RNF152: variants seen among roughly 807,000 people sequenced by gnomAD.
RNF152 encodes the protein E3 ubiquitin-protein ligase RNF152.
In RNF152, 11 loss-of-function variants were observed where a neutral mutation model predicts 12.7. That is an observed-to-expected ratio of 0.86 (90% CI 0.54 to 1.43). The LOEUF is 1.43. RNF152 is among the 40% of genes most tolerant of loss of function. The probability of loss-of-function intolerance (pLI) is 0.00; values close to 1 mark genes in which losing one functional copy is unlikely to be tolerated. For missense variants in RNF152, 255 were observed against 274.8 expected (o/e 0.93, Z 0.51); for synonymous variants, 113 against 120.3 (o/e 0.94, Z 0.40).
In RNF152 at chr18:61,865,168, A is replaced by G. The variant is rs972929304; in HGVS notation, c.-136+27627T>C. On this transcript the variant is annotated intron_variant, in intron 1 of 1. Coordinates refer to ENST00000312828, the MANE Select transcript of RNF152 (RefSeq NM_173557.3). ...ATTTCTTATTATATCACAATATCAT[A>G]CCCCTAGAACCTGCAGCCAAATTGT... 3.3e-5 allele frequency among the ~76,000 whole-genome samples: 5 copies of G among 152,180 alleles called. 1 individual carries two copies. In the South Asian group the frequency reaches 1.0e-3, roughly 31 times the overall value.
chr18:61,835,609 A>C (rs1298568444), intron 1 of RNF152, among the ~76,000 whole-genome samples: 2 of 152,302 alleles, frequency 1.3e-5, no homozygotes, highest in East Asian at 3.9e-4. Flanking sequence ...AAAAATAATA[A>C]ATTAAAAAGG....
At chr18:61,867,976 T>C (rs1013861195) in intron 1 of RNF152, among the ~76,000 whole-genome samples, 1 of 152,146 alleles carries the variant, frequency 6.6e-6, no homozygotes, top group African/African-American at 2.4e-5. Flanking sequence ...ACAAACAATA[T>C]ATTAAATCAA....
At chr18:61,849,935 C>T (rs1736505194) in intron 1 of RNF152, among the ~76,000 whole-genome samples, 1 of 152,200 alleles carries the variant, frequency 6.6e-6, no homozygotes, top group Admixed American at 6.5e-5. Flanking sequence ...TGACCTGAGG[C>T]AATTCTCATT....
rs200219405 is a variant in RNF152 at position 61,816,070 on chromosome 18, C to T, written c.394G>A (p.Val132Met). The change falls in exon 2 of 2, where the codon GTG becomes ATG. Residue 132 changes from valine to methionine, a missense_variant. Coordinates refer to ENST00000312828, the MANE Select transcript of RNF152 (RefSeq NM_173557.3). ...LPGSQQKSVT[V>M]VTIPAEQQPL... ...TGCTGTTCAGCAGGGATGGTCACCA[C>T]GGTGACGGACTTCTGCTGGCTCCCG... 7.2e-5 allele frequency: 116 copies of T among 1,614,218 alleles called. No homozygotes were observed. Among genetic ancestry groups the T allele is most frequent in the East Asian group, 6.5e-4 (29 of 44,876 alleles).
In RNF152 at chr18:61,809,927, A is replaced by T. The variant is rs1912889109; in HGVS notation, c.*5925T>A. On this transcript the variant is annotated 3_prime_UTR_variant, in exon 2 of 2. Transcript: ENST00000312828. ...AATTTGTGCAGAAAAATGGGAACCA[A>T]ATTGCAGGGATTCGGGAATAATGGT... The T allele has an allele frequency of 6.6e-6, 1 of 151,910 alleles. No individual in the cohort carries two copies. The highest frequency in any genetic ancestry group is 6.6e-5 in the Admixed American group (1 of 15,248). The allele number at this position is 151,910 out of a possible 1,614,324, so 9.4% of individuals were successfully genotyped here. A position where few individuals can be genotyped will look rare whatever the true frequency, so the allele number is the denominator to read the frequency against.
At chr18:61,890,637 C>T (rs895231394) in intron 1 of RNF152, 1 of 152,214 alleles carries the variant, frequency 6.6e-6, no homozygotes, top group African/African-American at 2.4e-5. Context: ...AGAGAAAAAT[C>T]TGCAAAAGCA....
chr18:61,816,460 C>A lies in RNF152; in HGVS notation c.4G>T (p.Glu2Ter). The A allele has an allele frequency of 6.3e-7, 1 of 1,595,100 alleles. No homozygotes were observed. The highest frequency in any genetic ancestry group is 1.1e-5 in the South Asian group (1 of 89,504). The change falls in exon 2 of 2, where the codon GAG (glutamate) becomes TAG (stop). Residue 2 changes from glutamate to a stop codon, truncating the protein, a stop_gained. Coordinates refer to ENST00000312828, the MANE Select transcript of RNF152 (RefSeq NM_173557.3). LOFTEE classifies it high-confidence loss of function. M[E>*]TLSQDSLLEC... ...AGCAGAGAGTCCTGGGACAGCGTCT[C>A]CATGGTGGACCGTGAGCAGGAAGGG...
At position 61,815,140 on chromosome 18, in the gene RNF152, A is replaced by G. The variant is rs974438521; in HGVS notation, c.*712T>C. 1 of 152,620 alleles carries G rather than the reference A, an allele frequency of 6.6e-6. No individual in the cohort carries two copies. Among genetic ancestry groups the G allele is most frequent in the South Asian group, 2.1e-4 (1 of 4,826 alleles). 9.5% of individuals were successfully genotyped at this position (152,620 alleles called of 1,614,324 possible). The stretch of plus-strand genomic sequence containing the variant: ...CATACAGGTTTTCCCATGGGATTAG[A>G]CATTTCTCATGATTTCTCGGTTTAT... On this transcript the variant is annotated 3_prime_UTR_variant, in exon 2 of 2. Coordinates refer to ENST00000312828, the MANE Select transcript of RNF152 (RefSeq NM_173557.3).
rs1908994934 is a variant in RNF152, at chr18:61,815,022, G to A, written c.*830C>T. The A allele has an allele frequency of 6.6e-6, 1 of 152,536 alleles. No homozygotes were observed. Among genetic ancestry groups the A allele is most frequent in the South Asian group, 2.1e-4 (1 of 4,822 alleles). The allele number at this position is 152,536 out of a possible 1,614,324, so 9.4% of individuals were successfully genotyped here. ...TTCAGCAAAGACTCAAACACCTGAG[G>A]TAAATCAAATTAGACACACACACAT... On this transcript the variant is annotated 3_prime_UTR_variant, in exon 2 of 2. Coordinates refer to ENST00000312828, the MANE Select transcript of RNF152 (RefSeq NM_173557.3).
intron 1 of RNF152, among the ~76,000 whole-genome samples, chr18:61,841,553 C>T (rs898041137): frequency 1.3e-5 from 2 of 152,188 alleles, no homozygotes; most frequent in African/African-American, 2.4e-5. Flanking sequence ...GTCAAGGCCA[C>T]TCTTTCTAGT....
At chr18:61,876,465 T>A (rs951776304) in intron 1 of RNF152, among the ~76,000 whole-genome samples, 7 of 152,068 alleles carry the variant, frequency 4.6e-5, no homozygotes, top group Non-Finnish European at 7.4e-5. Context: ...CAAAAAAAAA[T>A]AAGCAATAAT....
chr18:61,825,174 G>A (rs1465309283), intron 1 of RNF152, among the ~76,000 whole-genome samples: 2 of 152,160 alleles, frequency 1.3e-5, no homozygotes, highest in East Asian at 1.9e-4. Flanking sequence ...TCAAGGAACC[G>A]GCGTTGCCAT....
At position 61,815,549 on chromosome 18, in the gene RNF152, GTCTA is replaced by G. The variant is rs1281856147; in HGVS notation, c.*299_*302del. On this transcript the variant is annotated 3_prime_UTR_variant, in exon 2 of 2. Transcript: ENST00000312828. ...ACAGTTTAACGTCTAAGTAGAATAT[GTCTA>G]TCTTGTAACATGATTTTGAAAAATC... 1 of 344,662 alleles carries G rather than the reference GTCTA, an allele frequency of 2.9e-6. No homozygotes were observed. Among genetic ancestry groups the G allele is most frequent in the Admixed American group, 4.4e-5 (1 of 22,646 alleles). The allele number at this position is 344,662 out of a possible 1,614,324, so 21.4% of individuals were successfully genotyped here.
chr18:61,861,521 TC>T (rs771954381), intron 1 of RNF152, among the ~76,000 whole-genome samples: 22 of 152,176 alleles, frequency 1.4e-4, no homozygotes, highest in Non-Finnish European at 2.6e-4. Flanking sequence ...AAAGATGCAT[TC>T]CTAAAAATAT....
chr18:61,841,516 A>C (rs78724106), intron 1 of RNF152, among the ~76,000 whole-genome samples: 7,314 of 152,190 alleles, frequency 0.048, 239 homozygotes, highest in Non-Finnish European at 0.067. Context: ...CTTTCCAACC[A>C]TCATTTCAGA....
chr18:61,831,188 G>A (rs1194413061), intron 1 of RNF152, among the ~76,000 whole-genome samples: 1 of 152,188 alleles, frequency 6.6e-6, no homozygotes. Flanking sequence ...AAGCGGTTCT[G>A]TGCACCAGGC....
chr18:61,868,487 T>C (rs1352180518), intron 1 of RNF152, among the ~76,000 whole-genome samples: 1 of 151,934 alleles, frequency 6.6e-6, no homozygotes, highest in Non-Finnish European at 1.5e-5. Flanking sequence ...GGCGGGTGGA[T>C]TACCCAAGAG....
chr18:61,824,982 T>A (rs559895304), intron 1 of RNF152, among the ~76,000 whole-genome samples: 161 of 152,250 alleles, frequency 1.1e-3, no homozygotes, highest in Admixed American at 3.3e-3. Context: ...ATAAAGATGA[T>A]CAATTACCCT....
chr18:61,850,838 C>T (rs998048225), intron 1 of RNF152, among the ~76,000 whole-genome samples: 2 of 152,090 alleles, frequency 1.3e-5, no homozygotes, highest in African/African-American at 4.8e-5. Flanking sequence ...AGCACTTCAC[C>T]CTTAGGCTGT....
Sources: allele counts gnomAD v4.1 joint callset (sites outside exome capture counted in the v4.1 genomes callset), GRCh38; gene constraint gnomAD v4.1.1; transcripts MANE v1.5; gene names NCBI Gene and HGNC (gene_info 2026-07-23, HGNC 2026-07-21).